Variants in DPEP1 observed in about 807,000 individuals in gnomAD.
DPEP1 encodes the protein beta-lactamase.
Under a neutral mutation model 42.3 loss-of-function variants are expected in DPEP1, and 50 were observed. That is an observed-to-expected ratio of 1.18 (90% CI 0.94 to 1.50). DPEP1 has a LOEUF of 1.50. Among genes scored for constraint, DPEP1 ranks in the 40% most tolerant of loss-of-function variants. DPEP1 has a pLI of 0.00. For synonymous variants in DPEP1, 297 were observed against 234.0 expected (o/e 1.27, Z -2.46); for missense variants, 663 against 553.0 (o/e 1.20, Z -1.99).
At chr16:89,615,962 G>C (rs999486052) in intron 1 of DPEP1, among the ~76,000 whole-genome samples, 5 of 152,092 alleles carry the variant, frequency 3.3e-5, no homozygotes, top group African/African-American at 7.2e-5. Flanking sequence ...CGTCCCCTAC[G>C]TGTCGTGTCC....
intron 1 of DPEP1, among the ~76,000 whole-genome samples, chr16:89,614,781 C>G (rs529555928): frequency 3.3e-5 from 5 of 152,172 alleles, no homozygotes; most frequent in South Asian, 4.1e-4. Context: ...AGTGACAGAG[C>G]GAGACTCCGT....
chr16:89,617,997 C>T (rs1211059067), intron 1 of DPEP1, among the ~76,000 whole-genome samples: 5 of 152,040 alleles, frequency 3.3e-5, no homozygotes, highest in Non-Finnish European at 7.3e-5. Context: ...GCACTCCATC[C>T]TGGGCGACAG....
downstream of DPEP1, chr16:89,640,718 G>C: frequency 1.2e-6 from 1 of 828,728 alleles, no homozygotes; most frequent in African/African-American, 1.9e-5. Context: ...AGGGTATTAG[G>C]CCTAATTTTA....
chr16:89,614,178 C>G (rs986910754), intron 1 of DPEP1, among the ~76,000 whole-genome samples: 2 of 152,132 alleles, frequency 1.3e-5, no homozygotes, highest in African/African-American at 4.8e-5. Flanking sequence ...CCGCTGTCCT[C>G]CCACTGGCCC....
chr16:89,632,037 C>G (rs1295021758), intron 2 of DPEP1, among the ~76,000 whole-genome samples: 1 of 152,020 alleles, frequency 6.6e-6, no homozygotes, highest in African/African-American at 2.4e-5. Context: ...CTGTCAGGGT[C>G]AGGTTTTTGT....
In DPEP1 at chr16:89,637,549, G is replaced by A. The variant is rs762275229; in HGVS notation, c.850G>A (p.Ala284Thr). 7 of 1,612,682 alleles carry A rather than the reference G, an allele frequency of 4.3e-6. No homozygotes were observed. The highest frequency in any genetic ancestry group is 1.7e-5 in the Admixed American group (1 of 60,004). ...CAACAAGGCCAACCTGTCCCAAGTG[G>A]CCGGTAGGTGGGGTGTGAGCGGCCA... ...CTNKANLSQV[A>T]DHLDHIKEVA... Residue 284 changes from alanine to threonine, a missense_variant, in exon 8 of 11, where the codon GCC becomes ACC. Ala to Thr is a moderately conservative substitution (Grantham distance 58, BLOSUM62 0). Transcript: ENST00000690203.
At chr16:89,634,083 C>CTCTTCTTCT (rs201262328) in intron 2 of DPEP1, among the ~76,000 whole-genome samples, 19 of 113,308 alleles carry the variant, frequency 1.7e-4, no homozygotes, top group African/African-American at 4.3e-4. Flanking sequence ...CTTTTCTCTT[C>CTCTTCTTCT]TCTTCTTCTT....
chr16:89,617,750 G>A (rs1002218600), intron 1 of DPEP1, among the ~76,000 whole-genome samples: 1,184 of 148,018 alleles, frequency 8.0e-3, no homozygotes, highest in Admixed American at 0.015. Context: ...GAGGCCGGGC[G>A]CAGTGGCTCA....
Position 89,637,282 on chromosome 16 carries a change from C to G in DPEP1, c.670C>G (p.Leu224Val). The change falls in exon 7 of 11, where the codon CTG becomes GTG. Residue 224 changes from leucine to valine, a missense_variant. Leu to Val is a conservative substitution (Grantham distance 32, BLOSUM62 1). Coordinates refer to ENST00000690203, the MANE Select transcript of DPEP1 (RefSeq NM_001389466.1). ...GTCTGTGGCCACCATGAAGGCCACC[C>G]TGCAGCTGTCCAGAGCCCCGGTCAT... The part of the protein sequence containing the change: ...HVSVATMKAT[L>V]QLSRAPVIFS... The G allele has an allele frequency of 6.2e-7, 1 of 1,612,748 alleles. No individual in the cohort carries two copies. Among genetic ancestry groups the G allele is most frequent in the Non-Finnish European group, 8.5e-7 (1 of 1,179,980 alleles).
chr16:89,635,470 C>T (rs934119265), intron 2 of DPEP1, among the ~76,000 whole-genome samples: 8 of 152,122 alleles, frequency 5.3e-5, no homozygotes, highest in African/African-American at 1.9e-4. Context: ...ATTACCCAGC[C>T]ACCCACCATA....
chr16:89,635,908 G>A lies in DPEP1; in HGVS notation c.105G>A (p.Gly35=), dbSNP rs1346418491. 5 of 1,597,210 alleles carry A rather than the reference G, an allele frequency of 3.1e-6. No homozygotes were observed. The African/African-American group carries it at 6.7e-5, about 21-fold the overall frequency. The change falls in exon 3 of 11, where the codon GGG becomes GGA. Residue 35 remains glycine (G), a splice_region_variant and synonymous_variant. Coordinates refer to ENST00000690203, the MANE Select transcript of DPEP1 (RefSeq NM_001389466.1). ...CTGGCCTCTCCCCGGCAAACTCCAG[G>A]CACAATGACCTCCCCTGGCAGCTGC... ...RIMRDSPVID[G]HNDLPWQLLD...
chr16:89,625,752 C>T (rs978932161), intron 1 of DPEP1, among the ~76,000 whole-genome samples: 7 of 152,182 alleles, frequency 4.6e-5, no homozygotes, highest in African/African-American at 1.4e-4. Flanking sequence ...TACCTTGATC[C>T]GAGGGTGATC....
At chr16:89,633,769 G>GGGGAAAC in intron 2 of DPEP1, among the ~76,000 whole-genome samples, 1 of 152,266 alleles carries the variant, frequency 6.6e-6, no homozygotes, top group Non-Finnish European at 1.5e-5. Context: ...ACACCCTCAT[G>GGGGAAAC]TTACAGATGG....
At position 89,614,137 on chromosome 16, in the gene DPEP1, C is replaced by G. The variant is rs548437789; in HGVS notation, c.-107+418C>G. 1.8e-4 allele frequency among the ~76,000 whole-genome samples: 27 copies of G among 152,150 alleles called. No individual in the cohort carries two copies. In the South Asian group the frequency reaches 5.6e-3, roughly 32 times the overall value. On this transcript the variant is annotated intron_variant, in intron 1 of 10. Transcript: ENST00000690203. ...GGGGACGCGGCGGCTTCCTGGGACT[C>G]AAGGAGGTGGGAGAGCTGCTCTCAG...
chr16:89,622,666 C>G (rs2059460143), intron 1 of DPEP1, among the ~76,000 whole-genome samples: 1 of 151,860 alleles, frequency 6.6e-6, no homozygotes, highest in Non-Finnish European at 1.5e-5. Context: ...CACCTGTAGT[C>G]CCAGCTACTT....
chr16:89,633,682 G>A (rs1657380), intron 2 of DPEP1, among the ~76,000 whole-genome samples: 8,882 of 66,490 alleles, frequency 0.13, no homozygotes, highest in Middle Eastern at 0.22. Flanking sequence ...TCCTCAAGGA[G>A]AGCACCAAAA....
At chr16:89,615,320 C>T (rs1567977795) in intron 1 of DPEP1, among the ~76,000 whole-genome samples, 2 of 152,170 alleles carry the variant, frequency 1.3e-5, no homozygotes, top group Admixed American at 1.3e-4. Context: ...CTGAGGCTCC[C>T]AGCTCCCACT....
intron 2 of DPEP1, among the ~76,000 whole-genome samples, chr16:89,631,158 C>T (rs1295571455): frequency 6.6e-6 from 1 of 152,112 alleles, no homozygotes; most frequent in Non-Finnish European, 1.5e-5. Context: ...CTTCCCACTC[C>T]CCCCGGCCTG....
chr16:89,638,070 G>A lies in DPEP1; in HGVS notation c.1084G>A (p.Ala362Thr), dbSNP rs753256334. 1 of 1,612,152 alleles carries A rather than the reference G, an allele frequency of 6.2e-7. No individual in the cohort carries two copies. Among genetic ancestry groups the A allele is most frequent in the Non-Finnish European group, 8.5e-7 (1 of 1,179,792 alleles). ...AVEQASNLTQ[A>T]PEEEPIPLDQ... is the part of the protein sequence containing the mutation. ...TCCCCAGGCCAGCAACCTCACACAG[G>A]CTCCCGAGGAGGAGCCCATCCCGCT... The change falls in exon 11 of 11, where the codon GCT becomes ACT. Residue 362 changes from alanine to threonine, a missense_variant. Ala to Thr is a moderately conservative substitution (Grantham distance 58). Coordinates refer to ENST00000690203, the MANE Select transcript of DPEP1 (RefSeq NM_001389466.1).
Sources: gnomAD v4.1 joint callset for allele counts (sites outside exome capture counted in the v4.1 genomes callset) on GRCh38, gnomAD v4.1.1 for gene constraint, MANE v1.5 for transcripts, NCBI Gene and HGNC (gene_info 2026-07-23, HGNC 2026-07-21) for gene names.